LRRC37A2: variants seen among roughly 807,000 people sequenced by gnomAD.
The protein encoded by LRRC37A2 is leucine-rich repeat-containing protein 37A2.
In LRRC37A2, 9 loss-of-function variants were observed where a neutral mutation model predicts 68.8. The observed-to-expected ratio is 0.13, with a 90% CI of 0.08 to 0.23. The LOEUF (loss-of-function observed/expected upper bound fraction) is 0.23, where lower values mean the gene tolerates loss of function less well. Ranked by LOEUF, LRRC37A2 falls within the 10% of genes least tolerant of loss-of-function variation. The probability of loss-of-function intolerance (pLI) is 1.00; values close to 1 mark genes in which losing one functional copy is unlikely to be tolerated. For missense variants in LRRC37A2, 168 were observed against 950.4 expected, an observed-to-expected ratio of 0.18 and a Z score of 10.82; for synonymous variants, 63 against 367.6, an observed-to-expected ratio of 0.17 and a Z score of 9.48.
the LRRC37A2 span, among the ~76,000 whole-genome samples, chr17:46,491,740 CTGTT>C: frequency 3.5e-5 from 5 of 144,456 alleles, no homozygotes; most frequent in Non-Finnish European, 7.4e-5. Context: ...AATTTTTTTT[CTGTT>C]TAAGTTTTTT....
the LRRC37A2 span, among the ~76,000 whole-genome samples, chr17:46,731,739 T>C: frequency 1.3e-5 from 2 of 152,006 alleles, no homozygotes; most frequent in African/African-American, 2.4e-5. Flanking sequence ...ATGGCAGGGG[T>C]TCTCTCTGAA....
intron 6 of LRRC37A2, among the ~76,000 whole-genome samples, chr17:46,533,955 C>T (rs1249541787): frequency 8.3e-6 from 1 of 121,054 alleles, no homozygotes; most frequent in Non-Finnish European, 1.6e-5. Context: ...TATTGGTTGA[C>T]AGTTTCTTCA....
chr17:46,895,115 G>T, the LRRC37A2 span, among the ~76,000 whole-genome samples: 1 of 152,220 alleles, frequency 6.6e-6, no homozygotes, highest in African/African-American at 2.4e-5. Flanking sequence ...CAGGAAGGTG[G>T]CCTTAGGCCC....
the LRRC37A2 span, among the ~76,000 whole-genome samples, chr17:46,715,668 G>C: frequency 2.6e-5 from 4 of 152,294 alleles, no homozygotes; most frequent in South Asian, 2.1e-4. Context: ...CTTTGTAAGT[G>C]TGAGATATTA....
the LRRC37A2 span, among the ~76,000 whole-genome samples, chr17:46,802,563 C>T: frequency 2.0e-5 from 3 of 152,166 alleles, no homozygotes; most frequent in East Asian, 1.9e-4. Context: ...CCACCGTGCC[C>T]GGCCAAGATT....
chr17:46,881,572 C>A, the LRRC37A2 span, among the ~76,000 whole-genome samples: 1 of 152,210 alleles, frequency 6.6e-6, no homozygotes, highest in African/African-American at 2.4e-5. Flanking sequence ...CTACCATACA[C>A]CATCCTCACC....
the LRRC37A2 span, among the ~76,000 whole-genome samples, chr17:46,977,116 A>G: frequency 6.6e-6 from 1 of 152,194 alleles, no homozygotes; most frequent in East Asian, 1.9e-4. Flanking sequence ...CTTCATAGCC[A>G]GGGACCATCT....
chr17:46,598,943 C>T, the LRRC37A2 span, among the ~76,000 whole-genome samples: 1 of 137,372 alleles, frequency 7.3e-6, no homozygotes, highest in African/African-American at 2.8e-5. Context: ...TTTTGTGTAT[C>T]GCTTTAGTGG....
the LRRC37A2 span, among the ~76,000 whole-genome samples, chr17:47,000,096 T>TAAAATAAAATAAAATAAAATAAAAATAA: frequency 2.6e-5 from 3 of 114,832 alleles, no homozygotes; most frequent in Non-Finnish European, 3.8e-5. Flanking sequence ...TAAAATAAAA[T>TAAAATAAAATAAAATAAAATAAAAATAA]AAAATAAAAT....
At chr17:46,622,409 T>G in the LRRC37A2 span, among the ~76,000 whole-genome samples, 1 of 149,022 alleles carries the variant, frequency 6.7e-6, no homozygotes, top group Non-Finnish European at 1.5e-5. Flanking sequence ...AGTAAGCCGA[T>G]ATCGCACCAG....
chr17:46,728,597 CA>C, the LRRC37A2 span, among the ~76,000 whole-genome samples: 1 of 149,150 alleles, frequency 6.7e-6, no homozygotes. Context: ...GACCCTGTCT[CA>C]AAAAAAAAGT....
At chr17:46,946,298 A>AG in the LRRC37A2 span, among the ~76,000 whole-genome samples, 10 of 121,966 alleles carry the variant, frequency 8.2e-5, no homozygotes, top group African/African-American at 2.8e-4. Context: ...AAAAAAAAAA[A>AG]AAAAGAAAAG....
At chr17:47,002,265 T>C in the LRRC37A2 span, among the ~76,000 whole-genome samples, 1 of 152,196 alleles carries the variant, frequency 6.6e-6, no homozygotes, top group African/African-American at 2.4e-5. Flanking sequence ...ACCTGAGATG[T>C]TTTGATACAG....
the LRRC37A2 span, among the ~76,000 whole-genome samples, chr17:46,448,905 G>GTTCAAA: frequency 1.4e-5 from 1 of 69,002 alleles, no homozygotes; most frequent in Non-Finnish European, 3.0e-5. Flanking sequence ...ACCTCCATGT[G>GTTCAAA]TTCAAATTTT....
chr17:46,754,350 G>GA, the LRRC37A2 span, among the ~76,000 whole-genome samples: 39 of 150,894 alleles, frequency 2.6e-4, no homozygotes, highest in African/African-American at 6.6e-4. Context: ...AGAAAGAAAA[G>GA]AAAAAAAAAT....
chr17:46,988,820 T>C, the LRRC37A2 span, among the ~76,000 whole-genome samples: 2 of 152,240 alleles, frequency 1.3e-5, no homozygotes, highest in Non-Finnish European at 2.9e-5. Flanking sequence ...GAACACGTAC[T>C]GAGCATCTTC....
the LRRC37A2 span, among the ~76,000 whole-genome samples, chr17:46,804,896 G>T: frequency 6.6e-6 from 1 of 151,916 alleles, no homozygotes; most frequent in African/African-American, 2.4e-5. Context: ...ACAAATGAGG[G>T]AATAAAAGCT....
the LRRC37A2 span, among the ~76,000 whole-genome samples, chr17:46,871,134 C>A: frequency 7.2e-5 from 11 of 152,132 alleles, no homozygotes; most frequent in African/African-American, 2.4e-4. Flanking sequence ...CTCTCAAACT[C>A]CTGGACTCAA....
At chr17:46,876,226 T>C in the LRRC37A2 span, 1 of 1,585,202 alleles carries the variant, frequency 6.3e-7, no homozygotes, top group East Asian at 2.3e-5. Context: ...ACCACGCCTC[T>C]GTTCTGCCTC....
Sources: allele counts gnomAD v4.1 joint callset (sites outside exome capture counted in the v4.1 genomes callset), GRCh38; gene constraint gnomAD v4.1.1; transcripts MANE v1.5; gene names NCBI Gene and HGNC (gene_info 2026-07-23, HGNC 2026-07-21).